Variants in PEX13 observed in about 807,000 individuals in gnomAD.
The protein encoded by PEX13 is peroxisomal biogenesis factor 13.
Under a neutral mutation model 34.5 loss-of-function variants are expected in PEX13, and 28 were observed. That is an observed-to-expected ratio of 0.81 (90% confidence interval 0.60 to 1.11). The LOEUF is 1.11. Ranked by LOEUF, PEX13 falls within the 50% of genes most tolerant of loss-of-function variation. The probability of loss-of-function intolerance (pLI) is 0.00; values close to 1 mark genes in which losing one functional copy is unlikely to be tolerated. For missense variants in PEX13, 550 were observed against 491.0 expected (o/e 1.12, Z -1.13); for synonymous variants, 177 against 175.1 (o/e 1.01, Z -0.09).
At chr2:61,036,989 C>CT (rs1316385590) in intron 2 of PEX13, among the ~76,000 whole-genome samples, 1 of 152,108 alleles carries the variant, frequency 6.6e-6, no homozygotes, top group Non-Finnish European at 1.5e-5. Flanking sequence ...ATCCTAGTCT[C>CT]TGATAAAACA....
At chr2:61,023,013 T>A (rs1417431467) in intron 1 of PEX13, among the ~76,000 whole-genome samples, 1 of 89,742 alleles carries the variant, frequency 1.1e-5, no homozygotes, top group Non-Finnish European at 2.5e-5. Flanking sequence ...TCTAATTTCC[T>A]TTTTTTTTTC....
intron 1 of PEX13, among the ~76,000 whole-genome samples, chr2:61,021,025 A>G (rs966094764): frequency 6.6e-6 from 1 of 152,144 alleles, no homozygotes; most frequent in African/African-American, 2.4e-5. Context: ...ATCTGTTGAG[A>G]CCATTGTATG....
At chr2:61,037,713 A>G (rs544305533) in intron 2 of PEX13, among the ~76,000 whole-genome samples, 1 of 152,360 alleles carries the variant, frequency 6.6e-6, no homozygotes, top group Admixed American at 6.5e-5. Context: ...TAGAGAAGCA[A>G]GAGCAAACAA....
chr2:61,037,317 A>G (rs1680552368), intron 2 of PEX13, among the ~76,000 whole-genome samples: 1 of 152,230 alleles, frequency 6.6e-6, no homozygotes, highest in Non-Finnish European at 1.5e-5. Flanking sequence ...CAGAGTATAC[A>G]TTCTTCTCAG....
At position 61,024,384 on chromosome 2, in the gene PEX13, TA is replaced by T. The variant is rs566289698; in HGVS notation, c.92+6534del. 9.2e-5 allele frequency among the ~76,000 whole-genome samples: 14 copies of T among 152,360 alleles called. No individual in the cohort carries two copies. The East Asian group carries it at 2.7e-3, about 29-fold the overall frequency. On this transcript the variant is annotated intron_variant, in intron 1 of 3. Transcript: ENST00000295030. ...CTTGCATATATACCCCATATGTCAC[TA>T]TACTCCCTGTATCTTACTCTCTTTT... is the stretch of plus-strand genomic sequence containing the variant.
rs1374178843 is a variant in PEX13 at position 61,051,727 on chromosome 2, CAT to C, written c.*2958_*2959del. The C allele has an allele frequency of 1.3e-5, 2 of 152,094 alleles. No homozygotes were observed. The highest frequency in any genetic ancestry group is 2.1e-4 in the South Asian group (1 of 4,828). The allele number at this position is 152,094 out of a possible 1,614,324, so 9.4% of individuals were successfully genotyped here. On this transcript the variant is annotated 3_prime_UTR_variant, in exon 4 of 4. Coordinates refer to ENST00000295030, the MANE Select transcript of PEX13 (RefSeq NM_002618.4). The stretch of plus-strand genomic sequence containing the variant: ...AAAATATAAGTTTACAATAATAAAA[CAT>C]GTTTCTTTTAATTTTTCTGATTATA...
At chr2:61,042,252 T>C (rs1434992748) in intron 2 of PEX13, among the ~76,000 whole-genome samples, 2 of 152,206 alleles carry the variant, frequency 1.3e-5, no homozygotes, top group African/African-American at 4.8e-5. Context: ...ACTGTAACAG[T>C]GGAATTGAAT....
intron 1 of PEX13, among the ~76,000 whole-genome samples, chr2:61,019,459 G>A (rs1000097749): frequency 3.8e-4 from 58 of 151,952 alleles, no homozygotes; most frequent in African/African-American, 1.3e-3. Context: ...ATATTTTATT[G>A]TTTATGCTTT....
intron 2 of PEX13, among the ~76,000 whole-genome samples, chr2:61,036,984 A>C (rs1680546692): frequency 6.6e-6 from 1 of 152,204 alleles, no homozygotes; most frequent in South Asian, 2.1e-4. Context: ...TTGCAATCCT[A>C]GTCTCTGATA....
chr2:61,017,838 G>C lies in PEX13; in HGVS notation c.79G>C (p.Gly27Arg). The stretch of plus-strand genomic sequence containing the variant: ...GGGAGCCGGACCGGGACCAGGACCG[G>C]GCCCCACTTTCCAGTGAGTGTGGGA... ...IPGAGPGPGP[G>R]PTFQSADLGP... The change falls in exon 1 of 4, where the codon GGC becomes CGC. Residue 27 changes from glycine (G) to arginine (R), a missense_variant. Physicochemically the swap from Gly to Arg is moderately radical, Grantham distance 125. Transcript: ENST00000295030. 2 of 1,550,534 alleles carry C rather than the reference G, an allele frequency of 1.3e-6. No homozygotes were observed. Among genetic ancestry groups the C allele is most frequent in the Non-Finnish European group, 1.7e-6 (2 of 1,146,792 alleles).
At chr2:61,045,642 A>T in intron 2 of PEX13, 84 bp from the exon 3 acceptor site, 3 of 1,236,658 alleles carry the variant, frequency 2.4e-6, no homozygotes, top group Non-Finnish European at 3.5e-6. Flanking sequence ...TGGCAAATTT[A>T]TGCAGTTTGC....
intron 2 of PEX13, among the ~76,000 whole-genome samples, chr2:61,036,756 C>T (rs765481263): frequency 6.6e-6 from 1 of 152,152 alleles, no homozygotes; most frequent in Admixed American, 6.5e-5. Context: ...TAATGAATGA[C>T]AGGATCAGAT....
At chr2:61,019,852 C>T (rs1680219659) in intron 1 of PEX13, among the ~76,000 whole-genome samples, 1 of 152,150 alleles carries the variant, frequency 6.6e-6, no homozygotes, top group Admixed American at 6.6e-5. Context: ...TATAAAAAGA[C>T]TTACTGGGAT....
chr2:61,022,464 A>G (rs1051635195), intron 1 of PEX13, among the ~76,000 whole-genome samples: 1 of 152,250 alleles, frequency 6.6e-6, no homozygotes, highest in African/African-American at 2.4e-5. Flanking sequence ...ATAAAGTGAG[A>G]AGACAAGATT....
chr2:61,040,817 TATATA>T (rs1680612863), intron 2 of PEX13, among the ~76,000 whole-genome samples: 1 of 147,976 alleles, frequency 6.8e-6, no homozygotes, highest in Admixed American at 6.8e-5. Flanking sequence ...TATATGTATA[TATATA>T]ATATATGTGT....
chr2:61,018,469 ATTTT>A, intron 1 of PEX13: 1 of 654,566 alleles, frequency 1.5e-6, no homozygotes. Context: ...TGAGGCCTGT[ATTTT>A]TTTTTTGTTT....
intron 1 of PEX13, among the ~76,000 whole-genome samples, chr2:61,026,153 A>G (rs1183555077): frequency 1.3e-5 from 2 of 151,968 alleles, no homozygotes; most frequent in East Asian, 3.9e-4. Flanking sequence ...TGCTTTAAAC[A>G]GAATTCCTTC....
chr2:61,020,502 A>G (rs560102872), intron 1 of PEX13, among the ~76,000 whole-genome samples: 15 of 152,262 alleles, frequency 9.9e-5, no homozygotes, highest in Non-Finnish European at 1.6e-4. Flanking sequence ...TCATTTACAG[A>G]TAAGCTAGCA....
chr2:61,036,578 G>A (rs1369163442), intron 2 of PEX13, among the ~76,000 whole-genome samples: 5 of 152,196 alleles, frequency 3.3e-5, no homozygotes, highest in Non-Finnish European at 5.9e-5. Context: ...CAAATGCTGA[G>A]AGATTTTTTC....
Sources: allele counts gnomAD v4.1 joint callset (sites outside exome capture counted in the v4.1 genomes callset), GRCh38; gene constraint gnomAD v4.1.1; transcripts MANE v1.5; gene names NCBI Gene and HGNC (gene_info 2026-07-23, HGNC 2026-07-21).